The following CCDC12 variants were observed in gnomAD, a reference collection of about 807,000 sequenced individuals.
CCDC12 encodes coiled-coil domain-containing protein 12.
CCDC12 carries 28 observed loss-of-function variants against 25.7 expected under a neutral mutation model. The observed-to-expected ratio is 1.09, with a 90% CI of 0.81 to 1.50. CCDC12 has a LOEUF of 1.50. Among genes scored for constraint, CCDC12 ranks in the 40% most tolerant of loss-of-function variants. The pLI, the probability that CCDC12 is intolerant of heterozygous loss-of-function variation, is 0.00. For missense variants in CCDC12, 198 were observed against 210.0 expected (o/e 0.94, Z 0.35); for synonymous variants, 75 against 87.7 (o/e 0.86, Z 0.81).
chr3:46,940,223 C>G (rs370953153), intron 2 of CCDC12, among the ~76,000 whole-genome samples: 15 of 152,284 alleles, frequency 9.9e-5, no homozygotes, highest in African/African-American at 3.4e-4. Flanking sequence ...AGTTTCCAGG[C>G]TCCAGATTTT....
intron 1 of CCDC12, among the ~76,000 whole-genome samples, chr3:46,960,574 A>G (rs1238085028): frequency 6.6e-6 from 1 of 152,270 alleles, no homozygotes; most frequent in African/African-American, 2.4e-5. Context: ...AAAACAGCCC[A>G]GGAGTGTGGA....
chr3:46,953,666 AG>A (rs1469854288), intron 1 of CCDC12, among the ~76,000 whole-genome samples: 2 of 151,756 alleles, frequency 1.3e-5, no homozygotes, highest in Admixed American at 6.6e-5. Context: ...AAAAAAAAAA[AG>A]TCCAGCTTTG....
At chr3:46,940,846 G>T in intron 2 of CCDC12, 152 bp downstream of exon 2, 1 of 694,726 alleles carries the variant, frequency 1.4e-6, no homozygotes. Flanking sequence ...CTGAGATGTT[G>T]AGATTTTAAG....
chr3:46,979,857 G>T (rs751034486), upstream of CCDC12: 1 of 462,422 alleles, frequency 2.2e-6, no homozygotes. Flanking sequence ...GAGCCGGGCC[G>T]GGCCATGGCC....
upstream of CCDC12, among the ~76,000 whole-genome samples, chr3:46,981,301 G>A (rs1359907374): frequency 6.6e-6 from 1 of 152,156 alleles, no homozygotes; most frequent in East Asian, 1.9e-4. Flanking sequence ...AATTAGCCGG[G>A]CGTGGTGGGG....
chr3:46,942,700 C>T (rs939111654), intron 1 of CCDC12, among the ~76,000 whole-genome samples: 1 of 152,174 alleles, frequency 6.6e-6, no homozygotes, highest in South Asian at 2.1e-4. Flanking sequence ...ACATGCCCCC[C>T]ACCCCAACTC....
intron 1 of CCDC12, among the ~76,000 whole-genome samples, chr3:46,945,785 C>T (rs2033879842): frequency 6.6e-6 from 1 of 152,224 alleles, no homozygotes; most frequent in Non-Finnish European, 1.5e-5. Context: ...TTTACTGGCA[C>T]AAAGTGACTT....
chr3:46,948,365 G>A (rs2033987176), intron 1 of CCDC12, among the ~76,000 whole-genome samples: 1 of 152,248 alleles, frequency 6.6e-6, no homozygotes, highest in South Asian at 2.1e-4. Context: ...GGAGAACAGC[G>A]AGGCTAGAGA....
At chr3:46,936,372 G>A (rs993635603) in intron 2 of CCDC12, among the ~76,000 whole-genome samples, 2 of 152,064 alleles carry the variant, frequency 1.3e-5, no homozygotes, top group African/African-American at 2.4e-5. Flanking sequence ...CTGCCTTTTC[G>A]AGGTGTGTCC....
Position 46,923,626 on chromosome 3 carries a change from T to C in CCDC12, c.287A>G (p.Glu96Gly). The change falls in exon 4 of 7, where the codon GAG (glutamate) becomes GGG (glycine). Residue 96 changes from glutamate (E) to glycine (G), a missense_variant. Physicochemically the swap from Glu to Gly is moderately conservative, Grantham distance 98 (BLOSUM62 -2). Transcript: ENST00000683445. ...ACTCACCACCTCCTCGATGACGGGC[T>C]CGGGCTTGGCGGCCTCCAGCTGCTC... ...VKEQLEAAKP[E>G]PVIEEVDLAN... 1 of 1,594,036 alleles carries C rather than the reference T, an allele frequency of 6.3e-7. No homozygotes were observed. The highest frequency in any genetic ancestry group is 8.6e-7 in the Non-Finnish European group (1 of 1,169,258).
rs74995048 is a variant in CCDC12 at position 46,949,076 on chromosome 3, C to T, written c.97-8011G>A. Reference sequence around the variant, plus strand: ...GTCAATGACCAGACAGAAACACAGGCGAGTGTGAGAAGGTGAATCTTAGTG... The same window carrying T: ...GTCAATGACCAGACAGAAACACAGGTGAGTGTGAGAAGGTGAATCTTAGTG... On this transcript the variant is annotated intron_variant, in intron 1 of 6. Transcript: ENST00000683445. 6.5e-3 allele frequency among the ~76,000 whole-genome samples: 996 copies of T among 152,242 alleles called. 11 individuals are homozygous for T. The highest frequency in any genetic ancestry group is 0.023 in the African/African-American group (969 of 41,546).
chr3:46,947,453 G>A (rs1457718868), intron 1 of CCDC12, among the ~76,000 whole-genome samples: 9 of 152,190 alleles, frequency 5.9e-5, no homozygotes, highest in African/African-American at 7.2e-5. Flanking sequence ...GCAGTCACCC[G>A]GAGTCTGACT....
In CCDC12 at chr3:46,957,996, C is replaced by CAT. The variant is rs1553650352; in HGVS notation, c.97-16933_97-16932dup. On this transcript the variant is annotated intron_variant, in intron 1 of 6. Transcript: ENST00000683445. ...ACACACACACACACACACACACACACATATATATGTAAAGCTAATAGAACC... is the reference window on the plus strand; with the variant it reads ...ACACACACACACACACACACACACACATATATATATGTAAAGCTAATAGAACC... 8.4e-3 allele frequency among the ~76,000 whole-genome samples: 1,195 copies of CAT among 142,638 alleles called. 20 individuals are homozygous for CAT. Among genetic ancestry groups the CAT allele is most frequent in the Middle Eastern group, 0.017 (5 of 286 alleles). 93.6% of individuals were successfully genotyped at this position (142,638 alleles called of 152,430 possible).
chr3:46,938,839 G>A (rs1161513847), intron 2 of CCDC12, among the ~76,000 whole-genome samples: 6 of 151,242 alleles, frequency 4.0e-5, no homozygotes, highest in Non-Finnish European at 7.4e-5. Context: ...GTGACAGAGC[G>A]AGACCCCATC....
At chr3:46,963,802 G>A (rs1461680219) in intron 1 of CCDC12, among the ~76,000 whole-genome samples, 6 of 152,214 alleles carry the variant, frequency 3.9e-5, no homozygotes, top group Non-Finnish European at 5.9e-5. Flanking sequence ...ATCTCGGCTC[G>A]CTACAACCTC....
chr3:46,939,635 C>A (rs1461910418), intron 2 of CCDC12, among the ~76,000 whole-genome samples: 1 of 152,146 alleles, frequency 6.6e-6, no homozygotes, highest in Non-Finnish European at 1.5e-5. Flanking sequence ...TGAGGCCCAA[C>A]AAAAAGCCCC....
intron 1 of CCDC12, among the ~76,000 whole-genome samples, chr3:46,941,605 C>T (rs2033712789): frequency 6.6e-6 from 1 of 151,908 alleles, no homozygotes; most frequent in African/African-American, 2.4e-5. Flanking sequence ...GTAACTCCAG[C>T]CCAGTCCCAG....
At chr3:46,927,129 A>G (rs1221967352) in intron 2 of CCDC12, among the ~76,000 whole-genome samples, 2 of 152,102 alleles carry the variant, frequency 1.3e-5, no homozygotes, top group African/African-American at 4.8e-5. Context: ...GGGCTGAACC[A>G]CTGCGGGCGA....
intron 1 of CCDC12, among the ~76,000 whole-genome samples, chr3:46,962,344 GA>G (rs1229771518): frequency 2.2e-5 from 3 of 137,660 alleles, no homozygotes; most frequent in Non-Finnish European, 3.0e-5. Flanking sequence ...TGAGGCACAA[GA>G]ATTGCTTGAA....
Sources: allele counts gnomAD v4.1 joint callset (sites outside exome capture counted in the v4.1 genomes callset), GRCh38; gene constraint gnomAD v4.1.1; transcripts MANE v1.5; gene names NCBI Gene and HGNC (gene_info 2026-07-23, HGNC 2026-07-21).